EPC1: variants seen among roughly 807,000 people sequenced by gnomAD.
EPC1 encodes the protein enhancer of polycomb homolog 1.
A neutral mutation model predicts 98.4 loss-of-function variants in EPC1; 12 were observed. The observed-to-expected ratio is 0.12, with a 90% confidence interval of 0.08 to 0.20. The LOEUF is 0.20. Among genes scored for constraint, EPC1 ranks in the 10% least tolerant of loss-of-function variants. EPC1 has a pLI of 1.00. For missense variants in EPC1, 729 were observed against 990.5 expected, an observed-to-expected ratio of 0.74 and a Z score of 3.54; for synonymous variants, 357 against 363.9, an observed-to-expected ratio of 0.98 and a Z score of 0.21.
chr10:32,288,667 T>C (rs7910034), intron 6 of EPC1, among the ~76,000 whole-genome samples: 150,081 of 152,190 alleles, frequency 0.99, 74,025 homozygotes, highest in Middle Eastern at 1. Flanking sequence ...AACTTTCAAG[T>C]ATGAGTGGCA....
At chr10:32,272,789 A>G (rs1436183498) in intron 11 of EPC1, among the ~76,000 whole-genome samples, 1 of 152,246 alleles carries the variant, frequency 6.6e-6, no homozygotes, top group Non-Finnish European at 1.5e-5. Flanking sequence ...TTTAGGTTTA[A>G]AAGTTATCTC....
At chr10:32,323,959 A>G (rs957211787) in intron 1 of EPC1, among the ~76,000 whole-genome samples, 8 of 151,958 alleles carry the variant, frequency 5.3e-5, no homozygotes, top group Non-Finnish European at 1.2e-4. Flanking sequence ...TTTTTGAGAC[A>G]GAGTCTCGCT....
intron 10 of EPC1, chr10:32,284,359 G>A (rs1333450108): frequency 5.2e-6 from 1 of 192,240 alleles, no homozygotes; most frequent in Non-Finnish European, 1.1e-5. Flanking sequence ...AGAAATATCT[G>A]AACATAAAAT....
At position 32,291,211 on chromosome 10, in the gene EPC1, T is replaced by C. The variant is rs1293347661; in HGVS notation, c.927A>G (p.Gln309=). ...CATCCATTGCTTCCTGGTGTTTAAA[T>C]TGACTGCTATTAGTAATAGGGATGA... ...IPIIPITNSS[Q]FKHQEAMDVK... Residue 309 remains glutamine (Q), a synonymous_variant, in exon 6 of 14, where the codon CAA becomes CAG. Coordinates refer to ENST00000319778, the MANE Select transcript of EPC1 (RefSeq NM_001272004.3). 3.7e-6 allele frequency: 6 copies of C among 1,613,898 alleles called. No individual in the cohort carries two copies. Among genetic ancestry groups the C allele is most frequent in the Non-Finnish European group, 5.1e-6 (6 of 1,179,922 alleles).
intron 2 of EPC1, among the ~76,000 whole-genome samples, chr10:32,300,449 C>G (rs1184230861): frequency 7.9e-6 from 1 of 126,104 alleles, no homozygotes; most frequent in African/African-American, 3.0e-5. Flanking sequence ...TTTTTTTTTT[C>G]CTGAGACAGA....
At chr10:32,364,824 A>G (rs1270452729) in intron 1 of EPC1, among the ~76,000 whole-genome samples, 1 of 152,100 alleles carries the variant, frequency 6.6e-6, no homozygotes, top group Non-Finnish European at 1.5e-5. Context: ...GGCCTGTGGG[A>G]CACACGCAGC....
intron 2 of EPC1, 55 bp downstream of exon 2, chr10:32,305,717 G>A: frequency 7.0e-7 from 1 of 1,420,574 alleles, no homozygotes; most frequent in Non-Finnish European, 9.3e-7. Flanking sequence ...AATCTGTCAA[G>A]TTACATAATA....
At chr10:32,280,025 C>G (rs1836317574) in intron 10 of EPC1, among the ~76,000 whole-genome samples, 1 of 152,054 alleles carries the variant, frequency 6.6e-6, no homozygotes, top group Non-Finnish European at 1.5e-5. Flanking sequence ...TATTAGGAAG[C>G]CTGATACCAG....
intron 2 of EPC1, among the ~76,000 whole-genome samples, chr10:32,298,646 A>G (rs1367558422): frequency 6.6e-6 from 1 of 152,240 alleles, no homozygotes; most frequent in Non-Finnish European, 1.5e-5. Context: ...TAGCCAGATC[A>G]TGGAAATCTT....
rs913334241 is a variant in EPC1 at position 32,345,948 on chromosome 10, AAG to A, written c.153+813_153+814del. Among the ~76,000 whole-genome samples, 10 of 152,318 alleles carry A rather than the reference AAG, an allele frequency of 6.6e-5. No homozygotes were observed. The South Asian group carries it at 8.3e-4, about 13-fold the overall frequency. ...AAATAGGTAAGGTTACAGGCTTCAG[AAG>A]AGAGAGGTACTCCAAACAAATCTGC... On this transcript the variant is annotated intron_variant, in intron 1 of 13. Transcript: ENST00000319778.
chr10:32,326,725 A>G (rs994623339), intron 1 of EPC1, among the ~76,000 whole-genome samples: 4 of 152,190 alleles, frequency 2.6e-5, no homozygotes, highest in Non-Finnish European at 4.4e-5. Flanking sequence ...CAGATAATGT[A>G]TTTAATAAAC....
chr10:32,344,453 T>C (rs1838613630), intron 1 of EPC1, among the ~76,000 whole-genome samples: 1 of 152,156 alleles, frequency 6.6e-6, no homozygotes, highest in Admixed American at 6.5e-5. Context: ...AATTAGGGAC[T>C]CCACATGTTA....
intron 1 of EPC1, among the ~76,000 whole-genome samples, chr10:32,314,720 A>C (rs1836451499): frequency 1.3e-5 from 2 of 152,214 alleles, no homozygotes; most frequent in South Asian, 4.1e-4. Flanking sequence ...AATGTTAAGA[A>C]GCCAGAAATA....
chr10:32,291,315 A>G lies in EPC1; in HGVS notation c.823T>C (p.Leu275=). Residue 275 remains leucine (L), a synonymous_variant, in exon 6 of 14, where the codon TTG becomes CTG. Coordinates refer to ENST00000319778, the MANE Select transcript of EPC1 (RefSeq NM_001272004.3). ...TLEIMEKRYN[L]GDYNGEIMSE... ...ATGATCTCTCCATTGTAGTCGCCCAAATTATACCTAAAATTATACAAATGA... is the reference window on the plus strand; with the variant it reads ...ATGATCTCTCCATTGTAGTCGCCCAGATTATACCTAAAATTATACAAATGA... The G allele has an allele frequency of 6.2e-7, 1 of 1,606,004 alleles. No homozygotes were observed. Among genetic ancestry groups the G allele is most frequent in the Non-Finnish European group, 8.5e-7 (1 of 1,176,056 alleles).
intron 1 of EPC1, among the ~76,000 whole-genome samples, chr10:32,343,999 T>C (rs572026435): frequency 1.2e-4 from 19 of 152,342 alleles, no homozygotes; most frequent in Admixed American, 6.5e-4. Flanking sequence ...TACTTTTTTT[T>C]CTAAGACAGT....
Position 32,345,717 on chromosome 10 carries a change from G to T in EPC1, c.153+1046C>A, listed in dbSNP as rs1320242754. The T allele has an allele frequency of 1.3e-5, 10 of 770,914 alleles. No individual in the cohort carries two copies. In the African/African-American group the frequency reaches 1.5e-4, roughly 12 times the overall value. 47.8% of individuals were successfully genotyped at this position (770,914 alleles called of 1,614,324 possible). On this transcript the variant is annotated intron_variant, in intron 1 of 13. Transcript: ENST00000319778. Reference sequence around the variant, plus strand: ...CACAGCGATGGTAAAATGTCTATTAGTTGTCAACATTTACGTGCTGAAACC... The same window carrying T: ...CACAGCGATGGTAAAATGTCTATTATTTGTCAACATTTACGTGCTGAAACC...
At chr10:32,280,408 G>T (rs529453159) in intron 10 of EPC1, among the ~76,000 whole-genome samples, 3 of 152,032 alleles carry the variant, frequency 2.0e-5, no homozygotes, top group Non-Finnish European at 2.9e-5. Context: ...GTGAGATCAC[G>T]CCATGGCACT....
chr10:32,341,160 A>G lies in EPC1; in HGVS notation c.153+5603T>C, dbSNP rs185800484. Among the ~76,000 whole-genome samples, 117 of 152,350 alleles carry G rather than the reference A, an allele frequency of 7.7e-4. 2 individuals carry two copies. The highest frequency in any genetic ancestry group is 2.4e-3 in the Admixed American group (37 of 15,304). ...AATTCCATGGTATTATTGCTCCCTT[A>G]AAATGCTATCTTCTGCTTTTAACTA... On this transcript the variant is annotated intron_variant, in intron 1 of 13. Transcript: ENST00000319778.
chr10:32,286,814 G>C lies in EPC1; in HGVS notation c.1271C>G (p.Pro424Arg). 2 of 1,613,808 alleles carry C rather than the reference G, an allele frequency of 1.2e-6. No homozygotes were observed. The highest frequency in any genetic ancestry group is 2.7e-5 in the African/African-American group (2 of 74,880). Residue 424 changes from proline to arginine, a missense_variant, in exon 9 of 14, where the codon CCT (proline) becomes CGT (arginine). Pro to Arg is a moderately radical substitution (Grantham distance 103). Transcript: ENST00000319778. ...APHLDQTGNW[P>R]WTSPKDGGLG... ...TCCTCCATCTTTAGGACTAGTCCAA[G>C]GCCAGTTGCCAGTTTGGTCTAAGTG... is the stretch of plus-strand genomic sequence containing the variant.
Sources: allele counts gnomAD v4.1 joint callset (sites outside exome capture counted in the v4.1 genomes callset), GRCh38; gene constraint gnomAD v4.1.1; transcripts MANE v1.5; gene names NCBI Gene and HGNC (gene_info 2026-07-23, HGNC 2026-07-21).